KALRN: variants seen among roughly 807,000 people sequenced by gnomAD.
KALRN encodes the protein kalirin.
KALRN carries 70 observed loss-of-function variants against 353.7 expected under a neutral mutation model. The ratio of observed to expected loss-of-function variants is 0.20; its 90% CI spans 0.16 to 0.24. The LOEUF is 0.24. KALRN is among the 10% of genes least tolerant of loss of function. The pLI is 1.00. For missense variants in KALRN, 2,791 were observed against 3,756.7 expected, an observed-to-expected ratio of 0.74 and a Z score of 6.72; for synonymous variants, 1,391 against 1,434.8, an observed-to-expected ratio of 0.97 and a Z score of 0.69.
chr3:124,363,865 A>T (rs1328199904), intron 10 of KALRN, among the ~76,000 whole-genome samples: 1 of 152,260 alleles, frequency 6.6e-6, no homozygotes, highest in Admixed American at 6.5e-5. Context: ...AGTTTAGGTC[A>T]GTAGGACTTT....
At chr3:124,374,125 C>A (rs138379228) in intron 10 of KALRN, among the ~76,000 whole-genome samples, 1 of 152,274 alleles carries the variant, frequency 6.6e-6, no homozygotes, top group Admixed American at 6.5e-5. Context: ...TAAAGAGGTT[C>A]TAGAAAGCTA....
At chr3:124,075,747 G>A (rs890059740) in intron 1 of KALRN, among the ~76,000 whole-genome samples, 2 of 152,132 alleles carry the variant, frequency 1.3e-5, no homozygotes, top group African/African-American at 4.8e-5. Flanking sequence ...TAATAATCTC[G>A]CTCTCTTTCT....
At chr3:124,341,995 G>T (rs1439589461) in intron 9 of KALRN, among the ~76,000 whole-genome samples, 1 of 151,790 alleles carries the variant, frequency 6.6e-6, no homozygotes, top group African/African-American at 2.4e-5. Flanking sequence ...GTGTTGGGGG[G>T]TGAGGCAGGA....
intron 26 of KALRN, among the ~76,000 whole-genome samples, chr3:124,475,750 T>C (rs2061373293): frequency 6.6e-6 from 1 of 152,160 alleles, no homozygotes; most frequent in Admixed American, 6.5e-5. Context: ...GTCCCACAAC[T>C]CAAGACCTGA....
intron 5 of KALRN, among the ~76,000 whole-genome samples, chr3:124,283,010 G>C (rs1263117740): frequency 1.3e-5 from 2 of 152,182 alleles, no homozygotes; most frequent in Admixed American, 1.3e-4. Flanking sequence ...CTAGGTGGTG[G>C]TCTTCTCCCC....
intron 1 of KALRN, among the ~76,000 whole-genome samples, chr3:124,113,440 G>C (rs1191936908): frequency 6.6e-6 from 1 of 152,176 alleles, no homozygotes; most frequent in Non-Finnish European, 1.5e-5. Flanking sequence ...AGGGTACGGA[G>C]ATAGAATATG....
chr3:124,325,892 G>C (rs953563611), intron 6 of KALRN, 88 bp from the exon 7 acceptor site: 6 of 1,115,596 alleles, frequency 5.4e-6, no homozygotes, highest in Non-Finnish European at 7.9e-6. Flanking sequence ...GTTTTGGGCA[G>C]CTCCCTTCCC....
intron 34 of KALRN, among the ~76,000 whole-genome samples, chr3:124,565,148 T>C (rs2072648563): frequency 6.6e-6 from 1 of 152,218 alleles, no homozygotes; most frequent in Admixed American, 6.5e-5. Context: ...GCAGGCTGAA[T>C]TGTTTGTGCT....
At chr3:124,695,002 G>T (rs1441084580) in intron 53 of KALRN, among the ~76,000 whole-genome samples, 1 of 152,216 alleles carries the variant, frequency 6.6e-6, no homozygotes, top group Non-Finnish European at 1.5e-5. Flanking sequence ...AAGTGGCGAA[G>T]GCTCCAGACC....
intron 33 of KALRN, among the ~76,000 whole-genome samples, chr3:124,502,411 A>G (rs1283909960): frequency 6.6e-6 from 1 of 152,158 alleles, no homozygotes; most frequent in Non-Finnish European, 1.5e-5. Context: ...TGAGCAGCCA[A>G]CAGGCACAAG....
intron 36 of KALRN, among the ~76,000 whole-genome samples, chr3:124,635,601 T>G (rs1269679178): frequency 6.6e-6 from 1 of 152,076 alleles, no homozygotes; most frequent in Non-Finnish European, 1.5e-5. Context: ...GCAAATGGAG[T>G]TGGATGTATT....
intron 1 of KALRN, among the ~76,000 whole-genome samples, chr3:124,098,168 G>A (rs1165270058): frequency 6.6e-6 from 1 of 152,208 alleles, no homozygotes. Context: ...ATCAGGCAGT[G>A]TTTCCCAGCA....
At chr3:124,590,930 GAT>G in intron 34 of KALRN, among the ~76,000 whole-genome samples, 1 of 152,260 alleles carries the variant, frequency 6.6e-6, no homozygotes, top group South Asian at 2.1e-4. Context: ...ATCCTTTTCT[GAT>G]ATTCTTTCCT....
At chr3:124,287,096 T>A (rs2075981060) in intron 5 of KALRN, among the ~76,000 whole-genome samples, 1 of 152,218 alleles carries the variant, frequency 6.6e-6, no homozygotes, top group Non-Finnish European at 1.5e-5. Flanking sequence ...TCTAAACATG[T>A]GGCTCTTATT....
At chr3:124,626,461 T>A (rs1406815784) in intron 34 of KALRN, among the ~76,000 whole-genome samples, 1 of 152,264 alleles carries the variant, frequency 6.6e-6, no homozygotes, top group East Asian at 1.9e-4. Flanking sequence ...TATATTTTTC[T>A]GTATTTTAAA....
chr3:124,601,880 G>T (rs2076840155), intron 34 of KALRN, among the ~76,000 whole-genome samples: 1 of 146,412 alleles, frequency 6.8e-6, no homozygotes, highest in Non-Finnish European at 1.5e-5. Context: ...AAAAAAAATA[G>T]CTGGGTTTGG....
At chr3:124,342,179 TG>T (rs2081811029) in intron 9 of KALRN, among the ~76,000 whole-genome samples, 1 of 152,182 alleles carries the variant, frequency 6.6e-6, no homozygotes, top group African/African-American at 2.4e-5. Context: ...TATTTATTTT[TG>T]TATAAATATA....
At chr3:124,422,670 A>C in intron 14 of KALRN, 142 bp from the exon 15 acceptor site, 1 of 663,608 alleles carries the variant, frequency 1.5e-6, no homozygotes, top group Non-Finnish European at 2.6e-6. Flanking sequence ...TGTGGTGCCC[A>C]GTTTCACAGA....
intron 3 of KALRN, among the ~76,000 whole-genome samples, chr3:124,255,190 C>T (rs1016153247): frequency 3.3e-5 from 5 of 152,090 alleles, no homozygotes; most frequent in Non-Finnish European, 7.4e-5. Flanking sequence ...GTGATCTGCC[C>T]GCCTCAGCCT....
Sources: allele counts gnomAD v4.1 joint callset (sites outside exome capture counted in the v4.1 genomes callset), GRCh38; gene constraint gnomAD v4.1.1; transcripts MANE v1.5; gene names NCBI Gene and HGNC (gene_info 2026-07-23, HGNC 2026-07-21).